The following HMCN1 variants were observed in gnomAD, a reference collection of about 807,000 sequenced individuals.
HMCN1 encodes hemicentin 1.
In HMCN1, 321 loss-of-function variants were observed where a neutral mutation model predicts 625.9. The ratio of observed to expected loss-of-function variants is 0.51; its 90% CI spans 0.47 to 0.56. HMCN1 has a LOEUF of 0.56. Among genes scored for constraint, HMCN1 ranks in the 20% least tolerant of loss-of-function variants. The probability of loss-of-function intolerance (pLI) is 0.00; values close to 1 mark genes in which losing one functional copy is unlikely to be tolerated. For missense variants in HMCN1, 6,588 were observed against 6,887.3 expected, an observed-to-expected ratio of 0.96 and a Z score of 1.54; for synonymous variants, 2,425 against 2,417.6, an observed-to-expected ratio of 1.00 and a Z score of -0.09.
At chr1:186,171,763 G>C (rs1370073235) in intron 101 of HMCN1, among the ~76,000 whole-genome samples, 1 of 151,984 alleles carries the variant, frequency 6.6e-6, no homozygotes, top group Non-Finnish European at 1.5e-5. Flanking sequence ...ATTTTTCTAA[G>C]AGGAGAAAAT....
chr1:185,845,375 G>A (rs1224144584), intron 1 of HMCN1, among the ~76,000 whole-genome samples: 1 of 151,982 alleles, frequency 6.6e-6, no homozygotes, highest in African/African-American at 2.4e-5. Flanking sequence ...GTGCCACCAT[G>A]CCTGGCTAAT....
intron 69 of HMCN1, among the ~76,000 whole-genome samples, 200 bp downstream of exon 69, chr1:186,103,868 G>A (rs974515910): frequency 3.9e-5 from 6 of 152,092 alleles, no homozygotes; most frequent in African/African-American, 7.2e-5. Context: ...ATTAAACTCC[G>A]AAGAAAGCAA....
chr1:185,841,370 C>G (rs925445378), intron 1 of HMCN1, among the ~76,000 whole-genome samples: 1 of 152,114 alleles, frequency 6.6e-6, no homozygotes, highest in Non-Finnish European at 1.5e-5. Context: ...TTTTCTGTAT[C>G]AACTTTACTT....
At chr1:186,171,527 T>G in intron 101 of HMCN1, 77 bp downstream of exon 101, 1 of 1,100,510 alleles carries the variant, frequency 9.1e-7, no homozygotes, top group Non-Finnish European at 1.4e-6. Flanking sequence ...ATGCATACAC[T>G]GTGTCTTGGT....
At chr1:185,748,490 C>T (rs1205943232) in intron 1 of HMCN1, among the ~76,000 whole-genome samples, 1 of 152,036 alleles carries the variant, frequency 6.6e-6, no homozygotes, top group Non-Finnish European at 1.5e-5. Flanking sequence ...ATTGAGATCC[C>T]TTTCTATATT....
At chr1:185,895,485 A>G (rs1194388614) in intron 4 of HMCN1, among the ~76,000 whole-genome samples, 4 of 152,220 alleles carry the variant, frequency 2.6e-5, no homozygotes, top group Non-Finnish European at 1.5e-5. Context: ...TTCTAAAATT[A>G]AAGGTGCTGA....
chr1:185,826,920 T>C (rs1660550103), intron 1 of HMCN1, among the ~76,000 whole-genome samples: 1 of 152,060 alleles, frequency 6.6e-6, no homozygotes, highest in Non-Finnish European at 1.5e-5. Flanking sequence ...AAGATCTTTT[T>C]TTAAAAAATT....
In HMCN1 at chr1:186,183,102, T is replaced by C. The variant is rs540393018; in HGVS notation, c.16414+815T>C. Among the ~76,000 whole-genome samples, 9 of 152,374 alleles carry C rather than the reference T, an allele frequency of 5.9e-5. No homozygotes were observed. The East Asian group carries it at 1.7e-3, about 29-fold the overall frequency. On this transcript the variant is annotated intron_variant, in intron 105 of 106. Transcript: ENST00000271588. The stretch of plus-strand genomic sequence containing the variant: ...TTGTAGACAAAATCTAGGAGTATTA[T>C]GTGGGTCTTAATAAGCTTTTGAACT...
chr1:186,102,996 T>A (rs1660451479), intron 68 of HMCN1, among the ~76,000 whole-genome samples: 1 of 152,204 alleles, frequency 6.6e-6, no homozygotes, highest in Admixed American at 6.5e-5. Context: ...AACTATTTTT[T>A]CTTCTGCTTA....
At chr1:185,938,031 T>C (rs1667907400) in intron 11 of HMCN1, among the ~76,000 whole-genome samples, 1 of 151,744 alleles carries the variant, frequency 6.6e-6, no homozygotes, top group South Asian at 2.1e-4. Flanking sequence ...ATTTATACTA[T>C]ATAAAAAATC....
chr1:185,910,062 C>T (rs544540089), intron 5 of HMCN1, among the ~76,000 whole-genome samples: 134 of 152,144 alleles, frequency 8.8e-4, no homozygotes, highest in African/African-American at 3.1e-3. Context: ...TTGATAACTA[C>T]AATAAGATTT....
intron 22 of HMCN1, among the ~76,000 whole-genome samples, chr1:185,991,406 A>G (rs142713748): frequency 6.6e-6 from 1 of 152,168 alleles, no homozygotes; most frequent in Non-Finnish European, 1.5e-5. Flanking sequence ...CCACAGTCGC[A>G]GTTTCTCCTC....
intron 70 of HMCN1, among the ~76,000 whole-genome samples, chr1:186,107,433 T>C (rs1415611956): frequency 6.6e-5 from 10 of 152,182 alleles, no homozygotes; most frequent in Non-Finnish European, 1.5e-5. Flanking sequence ...AATTTAAAAA[T>C]CCAGAATCTC....
chr1:185,819,914 A>G (rs1030237686), intron 1 of HMCN1, among the ~76,000 whole-genome samples: 2 of 152,168 alleles, frequency 1.3e-5, no homozygotes, highest in Non-Finnish European at 2.9e-5. Flanking sequence ...GCCATATAGC[A>G]TGTTTAACAT....
chr1:185,992,444 G>C (rs528341580), intron 22 of HMCN1, among the ~76,000 whole-genome samples: 1 of 152,192 alleles, frequency 6.6e-6, no homozygotes, highest in African/African-American at 2.4e-5. Context: ...ATCAGGTAGT[G>C]CTCTAATTTT....
chr1:186,174,472 TG>T, intron 102 of HMCN1, 41 bp from the exon 103 acceptor site: 1 of 1,611,496 alleles, frequency 6.2e-7, no homozygotes, highest in Non-Finnish European at 8.5e-7. Context: ...ACTTTGGGTT[TG>T]AAAGAGGAAA....
chr1:186,114,112 G>T lies in HMCN1; in HGVS notation c.11265G>T (p.Gly3755=). 1 of 1,614,052 alleles carries T rather than the reference G, an allele frequency of 6.2e-7. No homozygotes were observed. Among genetic ancestry groups the T allele is most frequent in the Non-Finnish European group, 8.5e-7 (1 of 1,179,962 alleles). The change falls in exon 73 of 107, where the codon GGG becomes GGT. Residue 3755 remains glycine (G), a synonymous_variant. Transcript: ENST00000271588. The stretch of plus-strand genomic sequence containing the variant: ...GAAAGGATGGAGCTGTTCTAGCTGG[G>T]AATCATGCAAGGTAACCATACTGGA... The part of the protein sequence containing the change: ...TWRKDGAVLA[G]NHARYSILEN...
rs61063202 is a variant in HMCN1 at position 186,033,064 on chromosome 1, GCACA to G, written c.5750-4842_5750-4839del. 6.2e-3 allele frequency among the ~76,000 whole-genome samples: 874 copies of G among 140,310 alleles called. 8 individuals carry two copies. The highest frequency in any genetic ancestry group is 0.015 in the African/African-American group (606 of 39,412). 92.0% of individuals were successfully genotyped at this position (140,310 alleles called of 152,430 possible). ...TAAAGAAAATGTGATATACACACACGCACACACACACACACACACACACACACAC... is the reference window on the plus strand; with the variant it reads ...TAAAGAAAATGTGATATACACACACGCACACACACACACACACACACACAC... On this transcript the variant is annotated intron_variant, in intron 36 of 106. Transcript: ENST00000271588.
At chr1:185,761,735 C>T (rs1476161816) in intron 1 of HMCN1, among the ~76,000 whole-genome samples, 1 of 152,064 alleles carries the variant, frequency 6.6e-6, no homozygotes, top group Non-Finnish European at 1.5e-5. Context: ...TCTGCTTTGT[C>T]TAGACAGGTA....
Sources: gnomAD v4.1 joint callset for allele counts (sites outside exome capture counted in the v4.1 genomes callset) on GRCh38, gnomAD v4.1.1 for gene constraint, MANE v1.5 for transcripts, NCBI Gene and HGNC (gene_info 2026-07-23, HGNC 2026-07-21) for gene names.